USP32: variants seen among roughly 807,000 people sequenced by gnomAD.
USP32 encodes ubiquitin specific peptidase 32.
Under a neutral mutation model 204.8 loss-of-function variants are expected in USP32, and 59 were observed. The ratio of observed to expected loss-of-function variants is 0.29; its 90% confidence interval spans 0.23 to 0.36. The LOEUF (loss-of-function observed/expected upper bound fraction) is 0.36, where lower values mean the gene tolerates loss of function less well. Among genes scored for constraint, USP32 ranks in the 10% least tolerant of loss-of-function variants. The pLI is 1.00. For missense variants in USP32, 1,160 were observed against 1,946.4 expected (o/e 0.60, Z 7.60); for synonymous variants, 517 against 678.4 (o/e 0.76, Z 3.70).
At chr17:60,254,996 C>T (rs893845097) in intron 10 of USP32, among the ~76,000 whole-genome samples, 179 bp downstream of exon 10, 1 of 151,154 alleles carries the variant, frequency 6.6e-6, no homozygotes, top group Non-Finnish European at 1.5e-5. Flanking sequence ...TCCCACGTCA[C>T]GATTTTGACA....
At chr17:60,351,482 T>C (rs1361387541) in intron 1 of USP32, among the ~76,000 whole-genome samples, 8 of 151,908 alleles carry the variant, frequency 5.3e-5, no homozygotes, top group Admixed American at 5.2e-4. Flanking sequence ...TCCCCCAGGC[T>C]GGAATGCATG....
intron 2 of USP32, among the ~76,000 whole-genome samples, chr17:60,326,305 T>C (rs1029333676): frequency 3.3e-5 from 5 of 150,492 alleles, no homozygotes; most frequent in Non-Finnish European, 5.9e-5. Context: ...CCATGGTTTG[T>C]TTTCTTTTTT....
intron 2 of USP32, among the ~76,000 whole-genome samples, chr17:60,327,492 G>GCCCAC (rs1250785946): frequency 1.6e-3 from 78 of 49,230 alleles, no homozygotes; most frequent in African/African-American, 4.4e-3. Context: ...AGCGGGGCCC[G>GCCCAC]CCCACCCCAC....
chr17:60,295,329 G>C (rs1273075198), intron 3 of USP32, among the ~76,000 whole-genome samples: 2 of 152,062 alleles, frequency 1.3e-5, no homozygotes, highest in Non-Finnish European at 2.9e-5. Context: ...TAAAATATGT[G>C]TTTCAAGATG....
At chr17:60,345,706 G>T in intron 1 of USP32, 98 bp from the exon 2 acceptor site, 1 of 1,503,360 alleles carries the variant, frequency 6.7e-7, no homozygotes, top group Admixed American at 1.7e-5. Context: ...TTGAGGCTAG[G>T]CACAGTGGCT....
In USP32 at chr17:60,392,025, G is replaced by GCCGACACC; in HGVS notation, c.-87_-86insGGTGTCGG. On this transcript the variant is annotated 5_prime_UTR_variant, in exon 1 of 34. Transcript: ENST00000300896. ...CTTCTCCTCGGCGTCCCTGGGTGACGGTGACGGTGTCGGCGTCCCCCGCCC... is the reference window on the plus strand; with the variant it reads ...CTTCTCCTCGGCGTCCCTGGGTGACGCCGACACCGTGACGGTGTCGGCGTCCCCCGCCC... The GCCGACACC allele has an allele frequency of 6.8e-7, 1 of 1,464,690 alleles. No homozygotes were observed. Among genetic ancestry groups the GCCGACACC allele is most frequent in the Non-Finnish European group, 9.2e-7 (1 of 1,086,296 alleles). 90.7% of individuals were successfully genotyped at this position (1,464,690 alleles called of 1,614,324 possible).
rs539699881 is a variant in USP32 at position 60,190,714 on chromosome 17, G to C, written c.3522-31C>G. On this transcript the variant is annotated intron_variant, in intron 28 of 33. Transcript: ENST00000300896. ...AAGGGGGAAAAGATCCACAGAGGAAGAAATAATTATGAAGGAATCTAAATT... is the reference window on the plus strand; with the variant it reads ...AAGGGGGAAAAGATCCACAGAGGAACAAATAATTATGAAGGAATCTAAATT... 1.4e-4 allele frequency: 220 copies of C among 1,572,238 alleles called. 3 individuals carry two copies. The South Asian group carries it at 2.6e-3, about 18-fold the overall frequency.
chr17:60,339,279 A>G (rs1197483896), intron 2 of USP32, among the ~76,000 whole-genome samples: 2 of 152,108 alleles, frequency 1.3e-5, no homozygotes, highest in African/African-American at 2.4e-5. Flanking sequence ...AGATATGCAC[A>G]TAAGTGCTAA....
intron 2 of USP32, among the ~76,000 whole-genome samples, chr17:60,321,383 T>TATCAA (rs1406555201): frequency 2.0e-5 from 3 of 152,214 alleles, no homozygotes. Flanking sequence ...AGCCCATCAT[T>TATCAA]ATCAAGGATC....
chr17:60,410,804 G>C (rs764029188), intron 1 of USP32, among the ~76,000 whole-genome samples: 20 of 152,068 alleles, frequency 1.3e-4, no homozygotes, highest in Non-Finnish European at 2.6e-4. Context: ...CTGTCGGCTG[G>C]GTGCGGTGGC....
At chr17:60,336,670 C>G (rs2088527541) in intron 2 of USP32, among the ~76,000 whole-genome samples, 1 of 146,668 alleles carries the variant, frequency 6.8e-6, no homozygotes, top group Non-Finnish European at 1.5e-5. Context: ...GAGCCGAGAT[C>G]CCGCCACTGC....
At chr17:60,228,664 T>C (rs1039219756) in intron 12 of USP32, among the ~76,000 whole-genome samples, 1 of 151,380 alleles carries the variant, frequency 6.6e-6, no homozygotes, top group Non-Finnish European at 1.5e-5. Flanking sequence ...CAAAAAAATA[T>C]TAAAAAAAAA....
chr17:60,348,571 T>TA (rs1222328339), intron 1 of USP32, among the ~76,000 whole-genome samples: 1 of 152,004 alleles, frequency 6.6e-6, no homozygotes, highest in Non-Finnish European at 1.5e-5. Context: ...GACCAGGAGT[T>TA]AGAGACCACC....
intron 1 of USP32, among the ~76,000 whole-genome samples, chr17:60,409,059 T>G (rs1381938114): frequency 6.6e-6 from 1 of 152,032 alleles, no homozygotes; most frequent in Non-Finnish European, 1.5e-5. Flanking sequence ...ACAGTAAAAC[T>G]TTTCTCAGCC....
chr17:60,192,070 G>T (rs1341551440), intron 28 of USP32, among the ~76,000 whole-genome samples: 8 of 151,954 alleles, frequency 5.3e-5, no homozygotes, highest in African/African-American at 1.9e-4. Flanking sequence ...TGAGGTGGGT[G>T]GATCACCTGA....
chr17:60,341,179 T>C lies in USP32; in HGVS notation c.186+4302A>G, dbSNP rs188032246. ...TTGCTCTTCTTGAGGAGTATCTTTG[T>C]GGTGTTCTCTGTTCCTGAATTTGAA... On this transcript the variant is annotated intron_variant, in intron 2 of 33. Transcript: ENST00000300896. 2.5e-3 allele frequency among the ~76,000 whole-genome samples: 374 copies of C among 152,330 alleles called. 2 individuals are homozygous for C. Among genetic ancestry groups the C allele is most frequent in the African/African-American group, 8.8e-3 (366 of 41,580 alleles).
chr17:60,342,169 C>G (rs2088674682), intron 2 of USP32, among the ~76,000 whole-genome samples: 1 of 152,204 alleles, frequency 6.6e-6, no homozygotes, highest in African/African-American at 2.4e-5. Context: ...GGTCTCTCAG[C>G]TGCAGGTCTG....
intron 1 of USP32, among the ~76,000 whole-genome samples, chr17:60,376,708 G>C (rs549227271): frequency 1.1e-4 from 17 of 151,882 alleles, no homozygotes; most frequent in African/African-American, 4.1e-4. Flanking sequence ...ATTTTTAGTA[G>C]ACAGGGTTTC....
At position 60,376,192 on chromosome 17, in the gene USP32, C is replaced by T. The variant is rs527257132; in HGVS notation, c.58+15690G>A. 9.5e-3 allele frequency among the ~76,000 whole-genome samples: 1,444 copies of T among 151,946 alleles called. 33 individuals are homozygous for T. Among genetic ancestry groups the T allele is most frequent in the African/African-American group, 0.033 (1,385 of 41,466 alleles). ...TCCCAAGGAGCTGAGATTACAAATG[C>T]GAGCCACTGAGCCCAACTATAATCC... On this transcript the variant is annotated intron_variant, in intron 1 of 33. Coordinates refer to ENST00000300896, the MANE Select transcript of USP32 (RefSeq NM_032582.4).
Sources: gnomAD v4.1 joint callset for allele counts (sites outside exome capture counted in the v4.1 genomes callset) on GRCh38, gnomAD v4.1.1 for gene constraint, MANE v1.5 for transcripts, NCBI Gene and HGNC (gene_info 2026-07-23, HGNC 2026-07-21) for gene names.